LPP: variants seen among roughly 807,000 people sequenced by gnomAD.
LPP encodes LIM domain containing preferred translocation partner in lipoma, also known as lipoma-preferred partner.
In LPP, 38 loss-of-function variants were observed where a neutral mutation model predicts 60.4. The ratio of observed to expected loss-of-function variants is 0.63; its 90% confidence interval spans 0.49 to 0.83. The LOEUF (loss-of-function observed/expected upper bound fraction) is 0.83, where lower values mean the gene tolerates loss of function less well. Ranked by LOEUF, LPP falls within the 40% of genes least tolerant of loss-of-function variation. The pLI is 0.00. For missense variants in LPP, 902 were observed against 783.6 expected (o/e 1.15, Z -1.80); for synonymous variants, 328 against 290.8 (o/e 1.13, Z -1.30).
chr3:188,547,106 C>T (rs1826854246), intron 6 of LPP, among the ~76,000 whole-genome samples: 1 of 152,128 alleles, frequency 6.6e-6, no homozygotes, highest in Non-Finnish European at 1.5e-5. Flanking sequence ...GGGGGCTTTT[C>T]AGAGCATTTA....
At chr3:188,770,168 CTTTTTTTTTTTTTTT>C (rs57278260) in intron 9 of LPP, among the ~76,000 whole-genome samples, 2 of 64,598 alleles carry the variant, frequency 3.1e-5, no homozygotes, top group African/African-American at 5.2e-5. Flanking sequence ...AGTTATAATT[CTTTTTTTTTTTTTTT>C]TTTTTTTTTT....
chr3:188,760,409 G>GGTGTGTGTGTGGGGTGT (rs1731825748), intron 9 of LPP, 127 bp downstream of exon 9: 1 of 601,656 alleles, frequency 1.7e-6, no homozygotes, highest in Admixed American at 2.6e-5. Context: ...GTGTGTGTGG[G>GGTGTGTGTGTGGGGTGT]GTGTGTGTGT....
chr3:188,599,384 G>C (rs1840613913), intron 6 of LPP, among the ~76,000 whole-genome samples: 1 of 152,100 alleles, frequency 6.6e-6, no homozygotes, highest in Admixed American at 6.6e-5. Context: ...ATAGGAACTA[G>C]AAAATGAAGA....
intron 8 of LPP, among the ~76,000 whole-genome samples, chr3:188,719,241 G>A (rs1000001947): frequency 6.6e-6 from 1 of 152,096 alleles, no homozygotes; most frequent in Non-Finnish European, 1.5e-5. Flanking sequence ...GGACCATTTC[G>A]TACCACCACA....
intron 3 of LPP, among the ~76,000 whole-genome samples, chr3:188,345,689 A>G (rs1316597978): frequency 2.0e-5 from 3 of 152,044 alleles, no homozygotes; most frequent in Non-Finnish European, 2.9e-5. Context: ...TCTTGTGGGG[A>G]TGGGCTGGGA....
intron 7 of LPP, among the ~76,000 whole-genome samples, chr3:188,665,290 T>C (rs961190397): frequency 3.9e-5 from 6 of 152,122 alleles, no homozygotes; most frequent in African/African-American, 1.4e-4. Context: ...CCAGAAAATA[T>C]AAAATTGTCA....
At chr3:188,688,774 T>G (rs1861438976) in intron 7 of LPP, 1 of 519,510 alleles carries the variant, frequency 1.9e-6, no homozygotes, top group African/African-American at 1.9e-5. Context: ...AAGAAAAAAT[T>G]TAAAATGGTC....
At chr3:188,356,676 C>T (rs1767703128) in intron 3 of LPP, among the ~76,000 whole-genome samples, 2 of 152,202 alleles carry the variant, frequency 1.3e-5, no homozygotes, top group African/African-American at 4.8e-5. Flanking sequence ...CTAACCTGGT[C>T]ACTATGGAAG....
intron 1 of LPP, among the ~76,000 whole-genome samples, chr3:188,199,655 C>T (rs974786195): frequency 1.3e-5 from 2 of 151,828 alleles, no homozygotes; most frequent in African/African-American, 4.8e-5. Context: ...TTGTGTAACT[C>T]TGATTTGCTG....
chr3:188,326,540 A>T (rs554312623), intron 2 of LPP, among the ~76,000 whole-genome samples: 1 of 152,318 alleles, frequency 6.6e-6, no homozygotes, highest in South Asian at 2.1e-4. Context: ...TTATTCTGGA[A>T]GTATAACTTA....
At chr3:188,678,566 G>A (rs1220040700) in intron 7 of LPP, among the ~76,000 whole-genome samples, 1 of 152,206 alleles carries the variant, frequency 6.6e-6, no homozygotes, top group East Asian at 1.9e-4. Flanking sequence ...AGGAAGGAGA[G>A]TAAATCCTAG....
chr3:188,651,342 G>T (rs1008650776), intron 7 of LPP, among the ~76,000 whole-genome samples: 7 of 152,196 alleles, frequency 4.6e-5, no homozygotes, highest in Non-Finnish European at 8.8e-5. Flanking sequence ...GAGAAGAGTT[G>T]GAGAGTAGAG....
intron 1 of LPP, among the ~76,000 whole-genome samples, chr3:188,220,977 G>T (rs558630888): frequency 1.1e-4 from 17 of 152,124 alleles, no homozygotes; most frequent in African/African-American, 3.6e-4. Flanking sequence ...AAGGGATAGG[G>T]CTACCATTTA....
At chr3:188,413,302 C>T (rs936457686) in intron 4 of LPP, among the ~76,000 whole-genome samples, 1 of 152,138 alleles carries the variant, frequency 6.6e-6, no homozygotes, top group African/African-American at 2.4e-5. Flanking sequence ...GAATCTTGCT[C>T]TGACTTTGGA....
intron 2 of LPP, among the ~76,000 whole-genome samples, chr3:188,304,001 G>A (rs904261178): frequency 6.6e-6 from 1 of 152,136 alleles, no homozygotes. Context: ...GTGCCCTGGC[G>A]GAAATCTACC....
chr3:188,308,272 A>G (rs970875089), intron 2 of LPP, among the ~76,000 whole-genome samples: 22 of 152,288 alleles, frequency 1.4e-4, no homozygotes, highest in African/African-American at 5.3e-4. Flanking sequence ...ATGGGCTGTG[A>G]TATGCCTATA....
At chr3:188,690,863 A>T (rs981028848) in intron 7 of LPP, among the ~76,000 whole-genome samples, 1 of 152,160 alleles carries the variant, frequency 6.6e-6, no homozygotes, top group Non-Finnish European at 1.5e-5. Flanking sequence ...TAACAATATT[A>T]TGTGTAGTTT....
intron 9 of LPP, among the ~76,000 whole-genome samples, chr3:188,819,469 C>A (rs1753388022): frequency 6.6e-6 from 1 of 151,950 alleles, no homozygotes; most frequent in African/African-American, 2.4e-5. Flanking sequence ...ATACCCTGGG[C>A]ATTGATAAAA....
chr3:188,757,888 G>GTTTTTTT (rs1553833723), intron 8 of LPP, among the ~76,000 whole-genome samples: 13 of 28,434 alleles, frequency 4.6e-4, no homozygotes, highest in African/African-American at 1.1e-3. Flanking sequence ...TTGTTTTTTT[G>GTTTTTTT]GTTTTTTTTT....
Sources: allele counts gnomAD v4.1 joint callset (sites outside exome capture counted in the v4.1 genomes callset), GRCh38; gene constraint gnomAD v4.1.1; transcripts MANE v1.5; gene names NCBI Gene and HGNC (gene_info 2026-07-23, HGNC 2026-07-21).